The following ANKS1B variants were observed in gnomAD, a reference collection of about 807,000 sequenced individuals.
The protein encoded by ANKS1B is ankyrin repeat and sterile alpha motif domain containing 1B, also known as ankyrin repeat and sterile alpha motif domain-containing protein 1B.
Under a neutral mutation model 148.3 loss-of-function variants are expected in ANKS1B, and 36 were observed. The ratio of observed to expected loss-of-function variants is 0.24; its 90% CI spans 0.19 to 0.32. The LOEUF is 0.32. ANKS1B is among the 10% of genes least tolerant of loss of function. The pLI is 1.00. For missense variants in ANKS1B, 1,157 were observed against 1,542.6 expected (o/e 0.75, Z 4.19); for synonymous variants, 542 against 560.8 (o/e 0.97, Z 0.47).
intron 10 of ANKS1B, among the ~76,000 whole-genome samples, chr12:99,445,999 A>T (rs1268222931): frequency 1.3e-5 from 2 of 152,058 alleles, no homozygotes; most frequent in African/African-American, 4.8e-5. Flanking sequence ...CTAGGATTAT[A>T]GCCATGAGCC....
intron 16 of ANKS1B, 64 bp downstream of exon 16, chr12:99,084,861 C>A (rs1473539208): frequency 1.6e-6 from 2 of 1,287,716 alleles, no homozygotes; most frequent in African/African-American, 1.5e-5. Context: ...ATACTCCTTG[C>A]ATGCCTGGAC....
At chr12:98,756,810 C>T (rs11109588) in intron 25 of ANKS1B, among the ~76,000 whole-genome samples, 2,113 of 150,014 alleles carry the variant, frequency 0.014, 16 homozygotes, top group Non-Finnish European at 0.024. Context: ...TCACTGCAAC[C>T]TGTGCCTCCT....
chr12:99,403,208 G>A (rs2094453961), intron 11 of ANKS1B, among the ~76,000 whole-genome samples: 2 of 121,198 alleles, frequency 1.7e-5, no homozygotes, highest in Admixed American at 1.7e-4. Flanking sequence ...CCAGGCTGGA[G>A]TGCAGTGGCA....
chr12:99,734,213 C>T lies in ANKS1B; in HGVS notation c.1128+38709G>A, dbSNP rs75807831. On this transcript the variant is annotated intron_variant, in intron 8 of 26. Transcript: ENST00000683438. ...GTGTCTCAAATGACTAATTCTACCCCCATATTCTTGTCTTTCTTCCTTCCC... is the reference window on the plus strand; with the variant it reads ...GTGTCTCAAATGACTAATTCTACCCTCATATTCTTGTCTTTCTTCCTTCCC... Among the ~76,000 whole-genome samples, 756 of 152,216 alleles carry T rather than the reference C, an allele frequency of 5.0e-3. 10 individuals carry two copies. Among genetic ancestry groups the T allele is most frequent in the African/African-American group, 0.017 (723 of 41,516 alleles).
chr12:99,190,623 G>A (rs1601549585), intron 14 of ANKS1B, among the ~76,000 whole-genome samples: 1 of 152,150 alleles, frequency 6.6e-6, no homozygotes, highest in South Asian at 2.1e-4. Flanking sequence ...ATACTGCTGG[G>A]AAAACTGGCT....
At chr12:98,891,522 T>A (rs999459405) in intron 17 of ANKS1B, among the ~76,000 whole-genome samples, 9 of 152,312 alleles carry the variant, frequency 5.9e-5, no homozygotes, top group Admixed American at 1.3e-4. Context: ...GCATAAAAAT[T>A]ACATCTACAT....
intron 12 of ANKS1B, among the ~76,000 whole-genome samples, chr12:99,335,797 T>C (rs925474787): frequency 2.6e-5 from 4 of 152,172 alleles, no homozygotes; most frequent in African/African-American, 9.6e-5. Flanking sequence ...ACTTTCGCTA[T>C]TGTGAATAGT....
At chr12:99,203,735 G>A (rs1431967086) in intron 14 of ANKS1B, among the ~76,000 whole-genome samples, 1 of 152,224 alleles carries the variant, frequency 6.6e-6, no homozygotes, top group African/African-American at 2.4e-5. Context: ...ACAGGCGTGA[G>A]CCACTGCACC....
At chr12:99,250,796 G>A (rs535675523) in intron 12 of ANKS1B, among the ~76,000 whole-genome samples, 1 of 152,312 alleles carries the variant, frequency 6.6e-6, no homozygotes, top group East Asian at 1.9e-4. Flanking sequence ...GATAGTAATA[G>A]AACATACCTA....
At chr12:98,942,196 G>C (rs1160612973) in intron 17 of ANKS1B, among the ~76,000 whole-genome samples, 1 of 150,386 alleles carries the variant, frequency 6.6e-6, no homozygotes, top group South Asian at 2.2e-4. Flanking sequence ...AGCTGAGATC[G>C]CGCCACTGTA....
intron 1 of ANKS1B, among the ~76,000 whole-genome samples, chr12:99,898,907 A>C (rs560675744): frequency 3.9e-5 from 6 of 152,350 alleles, no homozygotes; most frequent in African/African-American, 1.4e-4. Context: ...CATAATCGCA[A>C]AAACACTATC....
chr12:99,801,519 C>T (rs1005615820), intron 4 of ANKS1B, among the ~76,000 whole-genome samples: 1 of 151,972 alleles, frequency 6.6e-6, no homozygotes, highest in African/African-American at 2.4e-5. Context: ...AAAACAAGGA[C>T]TTTTAAAAGT....
At chr12:99,338,285 A>G (rs1225465242) in intron 12 of ANKS1B, among the ~76,000 whole-genome samples, 1 of 152,140 alleles carries the variant, frequency 6.6e-6, no homozygotes, top group Non-Finnish European at 1.5e-5. Flanking sequence ...CTCAAGCAGT[A>G]GTCTCCCCTG....
intron 12 of ANKS1B, among the ~76,000 whole-genome samples, chr12:99,366,863 CA>C (rs75640003): frequency 6.6e-6 from 1 of 151,400 alleles, no homozygotes. Flanking sequence ...AAGAAATGGC[CA>C]AAAAAAATCA....
intron 26 of ANKS1B, among the ~76,000 whole-genome samples, chr12:98,748,095 G>T (rs1482220643): frequency 6.6e-6 from 1 of 152,142 alleles, no homozygotes; most frequent in Non-Finnish European, 1.5e-5. Context: ...ATAACTAGAA[G>T]AATTGTAATT....
At chr12:99,722,722 TG>T (rs962853132) in intron 8 of ANKS1B, among the ~76,000 whole-genome samples, 2 of 152,138 alleles carry the variant, frequency 1.3e-5, no homozygotes, top group Non-Finnish European at 2.9e-5. Context: ...AAATACAGGG[TG>T]GGACCAAGAT....
intron 4 of ANKS1B, among the ~76,000 whole-genome samples, chr12:99,803,286 A>C (rs1397169934): frequency 6.6e-5 from 7 of 105,350 alleles, no homozygotes; most frequent in Non-Finnish European, 1.0e-4. Flanking sequence ...CCCCCCCCCA[A>C]AAAAAAAGGC....
rs531965197 is a variant in ANKS1B, at chr12:99,480,537, T to C, written c.1438+23939A>G. 2.2e-4 allele frequency among the ~76,000 whole-genome samples: 34 copies of C among 152,012 alleles called. No individual in the cohort carries two copies. In the South Asian group the frequency reaches 6.4e-3, roughly 29 times the overall value. On this transcript the variant is annotated intron_variant, in intron 10 of 26. Transcript: ENST00000683438. Reference sequence around the variant, plus strand: ...TTAAAAATCTATTTCATGAGTTTGATTATTTAGGCTATGAGTTGAAAATAT... The same window carrying C: ...TTAAAAATCTATTTCATGAGTTTGACTATTTAGGCTATGAGTTGAAAATAT...
At position 99,758,316 on chromosome 12, in the gene ANKS1B, A is replaced by G. The variant is rs2061758478; in HGVS notation, c.1128+14606T>C. ...ATACTTCAATAGGAAACAGTGAGAG[A>G]CTAAGACAAAATGGGAAGGTTAGCT... is the stretch of plus-strand genomic sequence containing the variant. On this transcript the variant is annotated intron_variant, in intron 8 of 26. Coordinates refer to ENST00000683438, the MANE Select transcript of ANKS1B (RefSeq NM_001352186.2). Among the ~76,000 whole-genome samples, 3 of 151,960 alleles carry G rather than the reference A, an allele frequency of 2.0e-5. No individual in the cohort carries two copies. The South Asian group carries it at 6.2e-4, about 31-fold the overall frequency.
Sources: gnomAD v4.1 joint callset for allele counts (sites outside exome capture counted in the v4.1 genomes callset) on GRCh38, gnomAD v4.1.1 for gene constraint, MANE v1.5 for transcripts, NCBI Gene and HGNC (gene_info 2026-07-23, HGNC 2026-07-21) for gene names.